Variants in MLXIP observed in about 807,000 individuals in gnomAD.
MLXIP encodes the protein MLX-interacting protein.
In MLXIP, 30 loss-of-function variants were observed where a neutral mutation model predicts 87.2. The ratio of observed to expected loss-of-function variants is 0.34; its 90% CI spans 0.26 to 0.47. The LOEUF is 0.47. Ranked by LOEUF, MLXIP falls within the 20% of genes least tolerant of loss-of-function variation. The probability of loss-of-function intolerance (pLI) is 1.00; values close to 1 mark genes in which losing one functional copy is unlikely to be tolerated. For missense variants in MLXIP, 1,002 were observed against 1,240.1 expected (o/e 0.81, Z 2.88); for synonymous variants, 530 against 514.0 (o/e 1.03, Z -0.42).
In MLXIP at chr12:122,142,338, G is replaced by A. The variant is rs1273606176; in HGVS notation, c.*526G>A. On this transcript the variant is annotated 3_prime_UTR_variant, in exon 17 of 17. Coordinates refer to ENST00000319080, the MANE Select transcript of MLXIP (RefSeq NM_014938.6). ...AACTCTGACAGCACCCAGCCCTTGT[G>A]GATGGACTTGGGCTTCTATTCAGGC... 1 of 612,048 alleles carries A rather than the reference G, an allele frequency of 1.6e-6. No homozygotes were observed. The highest frequency in any genetic ancestry group is 3.1e-6 in the Non-Finnish European group (1 of 327,184). The allele number at this position is 612,048 out of a possible 1,614,324, so 37.9% of individuals were successfully genotyped here. A position where few individuals can be genotyped will look rare whatever the true frequency, so the allele number is the denominator to read the frequency against.
At position 122,142,081 on chromosome 12, in the gene MLXIP, C is replaced by A; in HGVS notation, c.*269C>A. 1 of 690,458 alleles carries A rather than the reference C, an allele frequency of 1.4e-6. No individual in the cohort carries two copies. The highest frequency in any genetic ancestry group is 2.6e-6 in the Non-Finnish European group (1 of 381,616). 42.8% of individuals were successfully genotyped at this position (690,458 alleles called of 1,614,324 possible). A position where few individuals can be genotyped will look rare whatever the true frequency, so the allele number is the denominator to read the frequency against. ...AACCTCCTCTGCCCTCGGGGCAGCC[C>A]ACACAAAAGGGAAGTGCTGGCCGTG... On this transcript the variant is annotated 3_prime_UTR_variant, in exon 17 of 17. Coordinates refer to ENST00000319080, the MANE Select transcript of MLXIP (RefSeq NM_014938.6).
At chr12:122,094,598 GGTGTT>G (rs1165952575) in intron 1 of MLXIP, among the ~76,000 whole-genome samples, 1 of 142,468 alleles carries the variant, frequency 7.0e-6, no homozygotes, top group Non-Finnish European at 1.5e-5. Flanking sequence ...TGTGTGTGTT[GGTGTT>G]GTGTGTGTGG....
intron 14 of MLXIP, 92 bp downstream of exon 14, chr12:122,138,643 G>C: frequency 2.0e-6 from 3 of 1,515,220 alleles, no homozygotes; most frequent in South Asian, 1.3e-5. Context: ...CCTCATCACT[G>C]GTCAGTGCCT....
At chr12:122,127,165 GT>G in intron 1 of MLXIP, 90 bp from the exon 2 acceptor site, 1 of 1,010,040 alleles carries the variant, frequency 9.9e-7, no homozygotes. Context: ...TCAGTCAAGA[GT>G]TTGGTCCTGG....
At chr12:122,087,235 C>T (rs1281363508) in intron 1 of MLXIP, among the ~76,000 whole-genome samples, 3 of 152,206 alleles carry the variant, frequency 2.0e-5, no homozygotes, top group Non-Finnish European at 2.9e-5. Flanking sequence ...TGTGTGCAGG[C>T]ACGGTTCTAG....
intron 1 of MLXIP, among the ~76,000 whole-genome samples, chr12:122,081,099 TTC>T (rs1952084833): frequency 1.3e-5 from 2 of 152,148 alleles, no homozygotes; most frequent in Admixed American, 1.3e-4. Context: ...TTTTTTTCAT[TTC>T]TCTCAAAAAT....
intron 1 of MLXIP, among the ~76,000 whole-genome samples, chr12:122,101,566 A>ATTTT (rs369219373): frequency 1.5e-5 from 2 of 136,614 alleles, no homozygotes; most frequent in Admixed American, 7.5e-5. Context: ...TTATTTATTT[A>ATTTT]TTTTTTTCTT....
intron 1 of MLXIP, among the ~76,000 whole-genome samples, chr12:122,110,952 C>CT (rs1952597333): frequency 6.6e-6 from 1 of 151,576 alleles, no homozygotes; most frequent in Admixed American, 6.6e-5. Flanking sequence ...TGGCGGGCGC[C>CT]TGTAGTCCCA....
chr12:122,093,300 G>C (rs1205140966), intron 1 of MLXIP, among the ~76,000 whole-genome samples: 1 of 148,392 alleles, frequency 6.7e-6, no homozygotes, highest in Non-Finnish European at 1.5e-5. Context: ...TATGTAGTGT[G>C]TGTGTGGTGT....
At chr12:122,134,163 T>C in intron 9 of MLXIP, 176 bp downstream of exon 9, 1 of 767,782 alleles carries the variant, frequency 1.3e-6, no homozygotes, top group Non-Finnish European at 1.9e-6. Flanking sequence ...GGCCATGATC[T>C]AGTCCGTTTT....
At chr12:122,094,173 GTGGTGT>G (rs1952303166) in intron 1 of MLXIP, among the ~76,000 whole-genome samples, 1 of 122,872 alleles carries the variant, frequency 8.1e-6, no homozygotes, top group African/African-American at 3.2e-5. Flanking sequence ...GTGTCTGTGT[GTGGTGT>G]TGGTGTGTGT....
intron 12 of MLXIP, among the ~76,000 whole-genome samples, 181 bp from the exon 13 acceptor site, chr12:122,138,013 G>A (rs555784964): frequency 6.6e-6 from 1 of 152,336 alleles, no homozygotes; most frequent in African/African-American, 2.4e-5. Flanking sequence ...CGGGTTTTCT[G>A]TGGTTCCCAG....
chr12:122,138,198 G>C lies in MLXIP; in HGVS notation c.2159G>C (p.Arg720Pro). The C allele has an allele frequency of 6.2e-7, 1 of 1,601,024 alleles. No homozygotes were observed. The highest frequency in any genetic ancestry group is 8.5e-7 in the Non-Finnish European group (1 of 1,173,968). The change falls in exon 13 of 17, where the codon CGG becomes CCG. Residue 720 changes from arginine (R) to proline (P), a missense_variant. Transcript: ENST00000319080. The part of the protein sequence containing the change: ...DPKNVAALKN[R>P]QMKHISAEQK... Reference sequence around the variant, plus strand: ...GACCAGCGGGTTCTCCAGCAGAACCGGCAGATGAAGCACATCTCAGCTGAG... The same window carrying C: ...GACCAGCGGGTTCTCCAGCAGAACCCGCAGATGAAGCACATCTCAGCTGAG...
At chr12:122,113,719 C>T (rs1210584295) in intron 1 of MLXIP, among the ~76,000 whole-genome samples, 8 of 119,530 alleles carry the variant, frequency 6.7e-5, no homozygotes, top group Admixed American at 3.3e-4. Context: ...GAGTCTCGCT[C>T]TGTCGCCCAG....
At chr12:122,088,470 GA>G (rs1332046389) in intron 1 of MLXIP, among the ~76,000 whole-genome samples, 2 of 152,142 alleles carry the variant, frequency 1.3e-5, no homozygotes, top group Admixed American at 6.6e-5. Flanking sequence ...AGAATTCTAG[GA>G]AGAGGATTCC....
intron 6 of MLXIP, 75 bp from the exon 7 acceptor site, chr12:122,130,769 G>A: frequency 9.7e-7 from 1 of 1,035,710 alleles, no homozygotes; most frequent in Non-Finnish European, 1.5e-6. Flanking sequence ...AGGAAGTTCT[G>A]TTCCAGGCCT....
Position 122,132,324 on chromosome 12 carries a change from T to C in MLXIP, c.1033T>C (p.Ser345Pro). 6 of 1,613,230 alleles carry C rather than the reference T, an allele frequency of 3.7e-6. No individual in the cohort carries two copies. Among genetic ancestry groups the C allele is most frequent in the Non-Finnish European group, 5.1e-6 (6 of 1,179,596 alleles). The part of the protein sequence containing the change: ...LFSSSRSIFG[S>P]MLPASASAPV... ...CTCTTCTAGCCGCTCCATTTTTGGC[T>C]CCATGCTACCTGCATCTGCCTCAGC... The change falls in exon 8 of 17, where the codon TCC becomes CCC. Residue 345 changes from serine (S) to proline (P), a missense_variant. Physicochemically the swap from Ser to Pro is moderately conservative, Grantham distance 74. Transcript: ENST00000319080.
At chr12:122,111,033 C>T (rs1412274579) in intron 1 of MLXIP, among the ~76,000 whole-genome samples, 3 of 146,064 alleles carry the variant, frequency 2.1e-5, no homozygotes, top group South Asian at 2.2e-4. Context: ...GCCGAGATGG[C>T]GCCACTGCCC....
At chr12:122,129,103 C>CTAAT in intron 3 of MLXIP, 34 bp from the exon 4 acceptor site, 1 of 1,531,814 alleles carries the variant, frequency 6.5e-7, no homozygotes, top group Admixed American at 1.8e-5. Flanking sequence ...CAAGCAGAGC[C>CTAAT]CCCTCTTCAC....
Sources: allele counts gnomAD v4.1 joint callset (sites outside exome capture counted in the v4.1 genomes callset), GRCh38; gene constraint gnomAD v4.1.1; transcripts MANE v1.5; gene names NCBI Gene and HGNC (gene_info 2026-07-23, HGNC 2026-07-21).